The following DAB1 variants were observed in gnomAD, a reference collection of about 807,000 sequenced individuals.
The protein encoded by DAB1 is DAB adaptor protein 1, also known as disabled homolog 1.
Under a neutral mutation model 64.6 loss-of-function variants are expected in DAB1, and 15 were observed. That is an observed-to-expected ratio of 0.23 (90% CI 0.16 to 0.36). DAB1 has a LOEUF of 0.36. Among genes scored for constraint, DAB1 ranks in the 10% least tolerant of loss-of-function variants. The pLI, the probability that DAB1 is intolerant of heterozygous loss-of-function variation, is 1.00. For synonymous variants in DAB1, 235 were observed against 251.9 expected (o/e 0.93, Z 0.64); for missense variants, 596 against 706.7 (o/e 0.84, Z 1.78).
chr1:57,886,168 T>G (rs1644218416), upstream of DAB1, among the ~76,000 whole-genome samples: 1 of 150,412 alleles, frequency 6.6e-6, no homozygotes, highest in African/African-American at 2.4e-5. Context: ...CTATTCTTTT[T>G]TTTTTTTTTT....
intron 7 of DAB1, among the ~76,000 whole-genome samples, chr1:57,621,261 GT>G (rs1216695500): frequency 2.3e-4 from 16 of 69,844 alleles, no homozygotes; most frequent in Admixed American, 1.1e-3. Context: ...GAGTGAGATT[GT>G]TGTGTGTGTG....
At position 58,300,637 on chromosome 1, in the gene DAB1, AG is replaced by A. The variant is rs1557726230; in HGVS notation, n.309+42714del. Among the ~76,000 whole-genome samples the A allele has an allele frequency of 9.0e-3, 563 of 62,872 alleles. 19 individuals carry two copies. Among genetic ancestry groups the A allele is most frequent in the South Asian group, 0.012 (16 of 1,370 alleles). 41.2% of individuals were successfully genotyped at this position (62,872 alleles called of 152,430 possible). A position where few individuals can be genotyped will look rare whatever the true frequency, so the allele number is the denominator to read the frequency against. ...GAGAGAGAGAGAGAGAGAGAGAGAG[AG>A]AGAGAGAGAGGAAGGAAGGAAGGAA... is the stretch of plus-strand genomic sequence containing the variant. On this transcript the variant is annotated intron_variant and non_coding_transcript_variant, in intron 4 of 20. Transcript: ENST00000485760.
intron 6 of DAB1, among the ~76,000 whole-genome samples, chr1:57,736,951 A>T (rs1289659944): frequency 6.6e-6 from 1 of 152,224 alleles, no homozygotes; most frequent in African/African-American, 2.4e-5. Flanking sequence ...AGGGAAACCT[A>T]AAAAGGATAG....
intron 4 of DAB1, among the ~76,000 whole-genome samples, chr1:58,279,478 A>G (rs1661508513): frequency 6.6e-6 from 1 of 152,212 alleles, no homozygotes; most frequent in Non-Finnish European, 1.5e-5. Context: ...ATGAATTATA[A>G]TAAGCATTTT....
Position 57,194,727 on chromosome 1 carries a change from T to C in DAB1, c.68-49298A>G, listed in dbSNP as rs945988235. On this transcript the variant is annotated intron_variant, in intron 2 of 14. Transcript: ENST00000371236. Reference sequence around the variant, plus strand: ...CCACTAGCCTGAGTGCTAGTGACAGTTGTGTGCCATGCAGACAACCTGGTT... The same window carrying C: ...CCACTAGCCTGAGTGCTAGTGACAGCTGTGTGCCATGCAGACAACCTGGTT... Among the ~76,000 whole-genome samples the C allele has an allele frequency of 4.6e-5, 7 of 152,310 alleles. No homozygotes were observed. In the Middle Eastern group the frequency reaches 0.01, roughly 222 times the overall value.
intron 5 of DAB1, among the ~76,000 whole-genome samples, chr1:58,131,347 T>C (rs1339014886): frequency 1.2e-4 from 17 of 140,964 alleles, no homozygotes; most frequent in Admixed American, 9.1e-4. Flanking sequence ...GTTATTCTAG[T>C]TATACATTCT....
At chr1:57,763,327 G>A (rs1331054322) in intron 6 of DAB1, among the ~76,000 whole-genome samples, 1 of 152,088 alleles carries the variant, frequency 6.6e-6, no homozygotes, top group East Asian at 1.9e-4. Context: ...TGCACTGTAG[G>A]GAATCAAACC....
At chr1:58,160,825 T>A (rs1410686953) in intron 4 of DAB1, among the ~76,000 whole-genome samples, 1 of 152,172 alleles carries the variant, frequency 6.6e-6, no homozygotes, top group Non-Finnish European at 1.5e-5. Context: ...CCAAGACTCC[T>A]ACCAATACCA....
intron 4 of DAB1, among the ~76,000 whole-genome samples, chr1:58,312,756 G>A (rs1321520579): frequency 6.6e-6 from 1 of 152,070 alleles, no homozygotes; most frequent in Non-Finnish European, 1.5e-5. Context: ...GGGACTAGCT[G>A]GGTTCAGATC....
intron 4 of DAB1, among the ~76,000 whole-genome samples, chr1:58,180,519 T>G (rs1420813431): frequency 6.6e-6 from 1 of 151,972 alleles, no homozygotes; most frequent in African/African-American, 2.4e-5. Context: ...GGTCTCAAAC[T>G]TCTGAGCTCA....
Position 58,221,001 on chromosome 1 carries a change from T to C in DAB1, n.310-70413A>G, listed in dbSNP as rs1486252738. On this transcript the variant is annotated intron_variant and non_coding_transcript_variant, in intron 4 of 20. Transcript: ENST00000485760. Reference sequence around the variant, plus strand: ...AAAGCTATGAGATTGATTTTTTTTTTTTTTTTTTTTTTTACCCCAGGGACA... The same window carrying C: ...AAAGCTATGAGATTGATTTTTTTTTCTTTTTTTTTTTTTACCCCAGGGACA... Among the ~76,000 whole-genome samples, 4 of 151,320 alleles carry C rather than the reference T, an allele frequency of 2.6e-5. No homozygotes were observed. The East Asian group carries it at 7.7e-4, about 29-fold the overall frequency.
chr1:57,409,443 G>T (rs1382233732), intron 1 of DAB1, among the ~76,000 whole-genome samples: 1 of 152,152 alleles, frequency 6.6e-6, no homozygotes, highest in Admixed American at 6.6e-5. Flanking sequence ...GTGTGTTCAG[G>T]GTTAGCACAG....
chr1:57,695,364 GAAAGAAAGAAAGAAA>G (rs1646821561), intron 6 of DAB1, among the ~76,000 whole-genome samples: 1 of 40,162 alleles, frequency 2.5e-5, no homozygotes, highest in Non-Finnish European at 4.2e-5. Flanking sequence ...AAAGAAAGAA[GAAAGAAAGAAAGAAA>G]GAAAGAAAGA....
rs189783611 is a variant in DAB1 at position 58,119,344 on chromosome 1, T to C, written n.387+31167A>G. On this transcript the variant is annotated intron_variant and non_coding_transcript_variant, in intron 5 of 20. Coordinates refer to the DAB1 transcript ENST00000485760. ...ACATGAACTGACAGAATGCTACTTATAGTGTTATGCATCCTACATTATTTG... is the reference window on the plus strand; with the variant it reads ...ACATGAACTGACAGAATGCTACTTACAGTGTTATGCATCCTACATTATTTG... Among the ~76,000 whole-genome samples the C allele has an allele frequency of 1.5e-3, 229 of 152,196 alleles. 2 individuals are homozygous for C. The highest frequency in any genetic ancestry group is 5.2e-3 in the African/African-American group (218 of 41,542).
At chr1:57,978,586 G>T (rs1187985) in intron 5 of DAB1, among the ~76,000 whole-genome samples, 1 of 152,182 alleles carries the variant, frequency 6.6e-6, no homozygotes, top group South Asian at 2.1e-4. Flanking sequence ...TAAACTAAAC[G>T]GCTTCTGCAA....
At chr1:58,351,146 T>G (rs1255438365) in intron 3 of DAB1, among the ~76,000 whole-genome samples, 2 of 152,192 alleles carry the variant, frequency 1.3e-5, no homozygotes, top group Admixed American at 6.5e-5. Flanking sequence ...AGCAGTGGTT[T>G]GTAGTTCTCC....
At chr1:58,405,156 G>A (rs921488352) in intron 3 of DAB1, among the ~76,000 whole-genome samples, 5 of 152,004 alleles carry the variant, frequency 3.3e-5, no homozygotes, top group Non-Finnish European at 7.4e-5. Context: ...CAATCACCTT[G>A]GGCCTTTGCA....
intron 3 of DAB1, among the ~76,000 whole-genome samples, chr1:58,422,229 G>A (rs1109077): frequency 6.6e-6 from 1 of 151,824 alleles, no homozygotes; most frequent in South Asian, 2.1e-4. Context: ...GGGTTGTCAC[G>A]AGAATTGAAT....
intron 9 of DAB1, among the ~76,000 whole-genome samples, chr1:57,030,992 A>G (rs908462326): frequency 6.6e-6 from 1 of 152,258 alleles, no homozygotes; most frequent in Non-Finnish European, 1.5e-5. Flanking sequence ...TGTTGAACTC[A>G]TGGCATACTT....
Sources: allele counts gnomAD v4.1 joint callset (sites outside exome capture counted in the v4.1 genomes callset), GRCh38; gene constraint gnomAD v4.1.1; transcripts MANE v1.5; gene names NCBI Gene and HGNC (gene_info 2026-07-23, HGNC 2026-07-21).